Variants in SUMF1 observed in about 807,000 individuals in gnomAD.
The protein encoded by SUMF1 is formylglycine-generating enzyme.
SUMF1 carries 48 observed loss-of-function variants against 47.6 expected under a neutral mutation model. The ratio of observed to expected loss-of-function variants is 1.01; its 90% confidence interval spans 0.80 to 1.28. The LOEUF (loss-of-function observed/expected upper bound fraction) is 1.28, where lower values mean the gene tolerates loss of function less well. Among genes scored for constraint, SUMF1 ranks in the 50% most tolerant of loss-of-function variants. The probability of loss-of-function intolerance (pLI) is 0.00; values close to 1 mark genes in which losing one functional copy is unlikely to be tolerated. For synonymous variants in SUMF1, 230 were observed against 192.1 expected (o/e 1.20, Z -1.63); for missense variants, 571 against 485.4 (o/e 1.18, Z -1.66).
intron 3 of SUMF1, among the ~76,000 whole-genome samples, chr3:4,439,010 C>A (rs1401610712): frequency 6.6e-6 from 1 of 151,822 alleles, no homozygotes; most frequent in Non-Finnish European, 1.5e-5. Flanking sequence ...AATAGCTGCA[C>A]GCTAAAAAGT....
chr3:4,228,219 G>A (rs1232803317), intron 8 of SUMF1, among the ~76,000 whole-genome samples: 1 of 152,030 alleles, frequency 6.6e-6, no homozygotes, highest in African/African-American at 2.4e-5. Flanking sequence ...TGATTTCAGT[G>A]AAAATAACTT....
chr3:4,143,686 A>T (rs1287438250), intron 8 of SUMF1, among the ~76,000 whole-genome samples: 1 of 152,080 alleles, frequency 6.6e-6, no homozygotes, highest in Non-Finnish European at 1.5e-5. Context: ...TATCTCTTTC[A>T]TTCTTATATA....
intron 8 of SUMF1, among the ~76,000 whole-genome samples, chr3:4,339,027 C>A (rs1005551909): frequency 1.3e-5 from 2 of 152,154 alleles, no homozygotes; most frequent in African/African-American, 4.8e-5. Context: ...AACTTTCCAA[C>A]CAAGTTCAAA....
At chr3:4,445,693 G>C (rs1476476896) in intron 3 of SUMF1, among the ~76,000 whole-genome samples, 1 of 152,088 alleles carries the variant, frequency 6.6e-6, no homozygotes, top group Non-Finnish European at 1.5e-5. Flanking sequence ...TTTAAATCCA[G>C]TGATTACACA....
intron 8 of SUMF1, among the ~76,000 whole-genome samples, chr3:4,081,535 ACAGT>A (rs1451791298): frequency 6.6e-6 from 1 of 152,098 alleles, no homozygotes; most frequent in Non-Finnish European, 1.5e-5. Context: ...TCTTAAGGAG[ACAGT>A]CCAGTAGAGT....
At chr3:4,379,648 C>T (rs1559259303) in intron 7 of SUMF1, among the ~76,000 whole-genome samples, 1 of 150,900 alleles carries the variant, frequency 6.6e-6, no homozygotes, top group Non-Finnish European at 1.5e-5. Flanking sequence ...TGGAGCCCAC[C>T]CTGGCCAATA....
At chr3:4,081,322 C>T (rs1692555468) in intron 8 of SUMF1, among the ~76,000 whole-genome samples, 1 of 152,048 alleles carries the variant, frequency 6.6e-6, no homozygotes, top group African/African-American at 2.4e-5. Flanking sequence ...ATACAGATAT[C>T]CATCCTCTTT....
chr3:4,220,701 A>T (rs560953657), intron 8 of SUMF1, among the ~76,000 whole-genome samples: 11 of 152,230 alleles, frequency 7.2e-5, no homozygotes, highest in African/African-American at 2.4e-4. Context: ...GTTTTACCAC[A>T]GACTTGCTAT....
chr3:4,410,106 T>C (rs1215854286), intron 7 of SUMF1, among the ~76,000 whole-genome samples: 1 of 152,216 alleles, frequency 6.6e-6, no homozygotes, highest in Non-Finnish European at 1.5e-5. Flanking sequence ...GGATTTTGCA[T>C]GATATTCTCC....
At chr3:4,091,511 CTTT>C (rs994105708) in intron 8 of SUMF1, among the ~76,000 whole-genome samples, 2 of 152,078 alleles carry the variant, frequency 1.3e-5, no homozygotes, top group Admixed American at 1.3e-4. Context: ...CAGAAGACTT[CTTT>C]TTTATGTACA....
At chr3:4,358,264 C>G (rs1317500777), downstream of SUMF1, among the ~76,000 whole-genome samples, 1 of 152,130 alleles carries the variant, frequency 6.6e-6, no homozygotes, top group Non-Finnish European at 1.5e-5. Context: ...GGATTCAGGA[C>G]TAAAGCAGAC....
At position 4,361,845 on chromosome 3, in the gene SUMF1, G is replaced by GCGTA. The variant is rs1319429510; in HGVS notation, c.*295_*298dup. ...GGGTCTAACCCCTGTGGCAGAGCCT[G>GCGTA]CGTAGGACGCGGGCCTCCTGAAGCC... is the stretch of plus-strand genomic sequence containing the variant. On this transcript the variant is annotated 3_prime_UTR_variant, in exon 9 of 9. Coordinates refer to ENST00000272902, the MANE Select transcript of SUMF1 (RefSeq NM_182760.4). 2.5e-6 allele frequency: 1 copy of GCGTA among 400,784 alleles called. No homozygotes were observed. The highest frequency in any genetic ancestry group is 3.7e-5 in the Admixed American group (1 of 27,216). 24.8% of individuals were successfully genotyped at this position (400,784 alleles called of 1,614,324 possible).
chr3:4,062,831 G>A (rs1695298352), intron 9 of SUMF1, among the ~76,000 whole-genome samples: 1 of 152,038 alleles, frequency 6.6e-6, no homozygotes, highest in Non-Finnish European at 1.5e-5. Flanking sequence ...ACATTTTTGG[G>A]AAAGAAACCT....
chr3:4,467,196 C>A lies in SUMF1; in HGVS notation c.50G>T (p.Gly17Val), dbSNP rs752608083. The change falls in exon 1 of 9, where the codon GGT (glycine) becomes GTT (valine). Residue 17 changes from glycine (G) to valine (V), a missense_variant. Transcript: ENST00000272902. Reference sequence around the variant, plus strand: ...GAGCAGCAGCAGCAAGAGGACGAGACCCAGCTCAGGGCAACGTCCACACAC... The same window carrying A: ...GAGCAGCAGCAGCAAGAGGACGAGAACCAGCTCAGGGCAACGTCCACACAC... ...GLVCGRCPELGLVLLLLLLSL... is the reference protein window; with the variant it reads ...GLVCGRCPELVLVLLLLLLSL... The A allele has an allele frequency of 6.2e-7, 1 of 1,611,284 alleles. No homozygotes were observed. The highest frequency in any genetic ancestry group is 8.5e-7 in the Non-Finnish European group (1 of 1,179,208).
At chr3:4,096,966 A>T (rs1435146631) in intron 8 of SUMF1, among the ~76,000 whole-genome samples, 1 of 152,144 alleles carries the variant, frequency 6.6e-6, no homozygotes, top group African/African-American at 2.4e-5. Flanking sequence ...AAATGAAAAA[A>T]GTAACATAGC....
chr3:4,114,358 AC>A (rs1052106419), intron 8 of SUMF1, among the ~76,000 whole-genome samples: 1 of 152,134 alleles, frequency 6.6e-6, no homozygotes, highest in African/African-American at 2.4e-5. Flanking sequence ...ATGAGTCTAG[AC>A]TACCATGTGA....
chr3:4,253,625 T>G (rs551933229), intron 8 of SUMF1, among the ~76,000 whole-genome samples: 185 of 151,696 alleles, frequency 1.2e-3, no homozygotes, highest in Admixed American at 2.4e-3. Flanking sequence ...CCAAGGAATC[T>G]CGCTGATTGC....
At chr3:4,366,896 G>T (rs1317933216) in intron 8 of SUMF1, among the ~76,000 whole-genome samples, 1 of 152,100 alleles carries the variant, frequency 6.6e-6, no homozygotes, top group Non-Finnish European at 1.5e-5. Context: ...TGGGTTTTTG[G>T]TGTGGACGTC....
chr3:4,159,273 A>ATTTT (rs60482121), intron 8 of SUMF1, among the ~76,000 whole-genome samples: 1 of 143,262 alleles, frequency 7.0e-6, no homozygotes, highest in Non-Finnish European at 1.5e-5. Flanking sequence ...CTCTGGTGGT[A>ATTTT]TTTTTTTTTT....
Sources: allele counts gnomAD v4.1 joint callset (sites outside exome capture counted in the v4.1 genomes callset), GRCh38; gene constraint gnomAD v4.1.1; transcripts MANE v1.5; gene names NCBI Gene and HGNC (gene_info 2026-07-23, HGNC 2026-07-21).